The following DENND1B variants were observed in gnomAD, a reference collection of about 807,000 sequenced individuals.
DENND1B encodes DENN domain containing 1B.
In DENND1B, 59 loss-of-function variants were observed where a neutral mutation model predicts 90.1. That is an observed-to-expected ratio of 0.65 (90% CI 0.53 to 0.81). The LOEUF (loss-of-function observed/expected upper bound fraction) is 0.81. DENND1B is among the 40% of genes least tolerant of loss of function. The pLI is 0.00. For missense variants in DENND1B, 862 were observed against 912.6 expected (o/e 0.94, Z 0.71); for synonymous variants, 337 against 324.6 (o/e 1.04, Z -0.41).
At chr1:197,727,839 T>C (rs755882872) in intron 2 of DENND1B, among the ~76,000 whole-genome samples, 3 of 152,190 alleles carry the variant, frequency 2.0e-5, no homozygotes, top group East Asian at 3.9e-4. Flanking sequence ...CCTTTTATAT[T>C]CTACACATAT....
At chr1:197,685,787 T>A (rs754785188) in intron 3 of DENND1B, 9 of 151,902 alleles carry the variant, frequency 5.9e-5, no homozygotes, top group Non-Finnish European at 1.0e-4. Flanking sequence ...TTTAATTGAG[T>A]GTTTCTTGAA....
chr1:197,616,735 G>A (rs188252053), intron 11 of DENND1B, among the ~76,000 whole-genome samples: 147 of 151,164 alleles, frequency 9.7e-4, no homozygotes, highest in African/African-American at 3.4e-3. Context: ...TTAAATGAGT[G>A]CATTGATTCT....
At chr1:197,714,516 C>A (rs1454993694) in intron 3 of DENND1B, among the ~76,000 whole-genome samples, 3 of 151,886 alleles carry the variant, frequency 2.0e-5, no homozygotes, top group Admixed American at 1.3e-4. Flanking sequence ...GTCTTGCATG[C>A]CATATTTTTT....
intron 6 of DENND1B, 46 bp from the exon 7 acceptor site, chr1:197,652,361 A>G (rs746286784): frequency 3.6e-5 from 52 of 1,431,016 alleles, no homozygotes; most frequent in Non-Finnish European, 4.9e-5. Context: ...ACATATACCA[A>G]GCAACTGCAA....
Position 197,504,823 on chromosome 1 carries a change from AT to A in DENND1B, c.*5636del. On this transcript the variant is annotated 3_prime_UTR_variant, in exon 23 of 23. Transcript: ENST00000620048. ...GTAATGTAGATTTTATTCAATATTT[AT>A]TTTTGCATATTTTTAAAAAAATTCC... 1 of 151,830 alleles carries A rather than the reference AT, an allele frequency of 6.6e-6. No individual in the cohort carries two copies. The highest frequency in any genetic ancestry group is 1.5e-5 in the Non-Finnish European group (1 of 67,806). The allele number at this position is 151,830 out of a possible 1,614,324, so 9.4% of individuals were successfully genotyped here.
chr1:197,707,939 C>A (rs1659768780), intron 3 of DENND1B, among the ~76,000 whole-genome samples: 1 of 151,858 alleles, frequency 6.6e-6, no homozygotes, highest in Non-Finnish European at 1.5e-5. Context: ...TCAGGGAGTT[C>A]CCTTTCCAAG....
At chr1:197,709,764 AT>A (rs1481226988) in intron 3 of DENND1B, among the ~76,000 whole-genome samples, 2 of 127,464 alleles carry the variant, frequency 1.6e-5, no homozygotes, top group Non-Finnish European at 3.2e-5. Flanking sequence ...AAATTCTGCA[AT>A]TAAAAGACAC....
chr1:197,759,766 A>T (rs887614709), intron 2 of DENND1B, among the ~76,000 whole-genome samples: 1 of 150,036 alleles, frequency 6.7e-6, no homozygotes, highest in Non-Finnish European at 1.5e-5. Context: ...AAAAAAAAAA[A>T]GCATGCGGGA....
At chr1:197,770,710 ATAAATATATAT>A (rs1169748980) in intron 2 of DENND1B, among the ~76,000 whole-genome samples, 5 of 143,032 alleles carry the variant, frequency 3.5e-5, no homozygotes, top group Admixed American at 7.2e-5. Flanking sequence ...CTATAAATAT[ATAAATATATAT>A]CTATAAATAT....
At chr1:197,522,740 C>T (rs1407847814) in intron 20 of DENND1B, among the ~76,000 whole-genome samples, 1 of 152,000 alleles carries the variant, frequency 6.6e-6, no homozygotes, top group Non-Finnish European at 1.5e-5. Flanking sequence ...ACCTATGAGA[C>T]CTGTGTTGCA....
At chr1:197,725,400 T>C (rs899237998) in intron 2 of DENND1B, among the ~76,000 whole-genome samples, 1 of 152,058 alleles carries the variant, frequency 6.6e-6, no homozygotes, top group Non-Finnish European at 1.5e-5. Context: ...TTACCAAGAA[T>C]AGACCCTTTC....
intron 2 of DENND1B, among the ~76,000 whole-genome samples, chr1:197,763,509 A>T (rs1177803061): frequency 6.6e-6 from 1 of 152,232 alleles, no homozygotes; most frequent in East Asian, 1.9e-4. Context: ...TTAGGCTCTG[A>T]GTAAACAAAA....
chr1:197,750,218 A>G (rs570397187), intron 2 of DENND1B, among the ~76,000 whole-genome samples: 1 of 152,276 alleles, frequency 6.6e-6, no homozygotes, highest in South Asian at 2.1e-4. Flanking sequence ...AGTAAAATAT[A>G]AGTGAACTCT....
At chr1:197,720,425 A>T (rs1473702903) in intron 2 of DENND1B, among the ~76,000 whole-genome samples, 1 of 151,784 alleles carries the variant, frequency 6.6e-6, no homozygotes, top group African/African-American at 2.4e-5. Context: ...CTTTTTTGTA[A>T]AGATGAGGTC....
At position 197,582,721 on chromosome 1, in the gene DENND1B, T is replaced by C. The variant is rs533756603; in HGVS notation, c.1149+431A>G. On this transcript the variant is annotated intron_variant, in intron 15 of 22. Transcript: ENST00000620048. ...TTCTGAATGTATGAGTATTAAAAAG[T>C]CTTACAAAGCTTAAAAAGTTAAATA... Among the ~76,000 whole-genome samples, 5 of 152,296 alleles carry C rather than the reference T, an allele frequency of 3.3e-5. No individual in the cohort carries two copies. In the South Asian group the frequency reaches 1.0e-3, roughly 32 times the overall value.
At chr1:197,676,092 A>AAAAAAAAT (rs1656044814) in intron 3 of DENND1B, among the ~76,000 whole-genome samples, 1 of 151,586 alleles carries the variant, frequency 6.6e-6, no homozygotes, top group Non-Finnish European at 1.5e-5. Flanking sequence ...CAAAAAAAAA[A>AAAAAAAAT]AAAAATCCTC....
At chr1:197,707,862 T>C (rs1314490020) in intron 3 of DENND1B, among the ~76,000 whole-genome samples, 1 of 147,174 alleles carries the variant, frequency 6.8e-6, no homozygotes, top group Non-Finnish European at 1.5e-5. Context: ...CGCAGGCCAG[T>C]GTGTGTGCGC....
intron 3 of DENND1B, among the ~76,000 whole-genome samples, chr1:197,707,492 T>C (rs1659667885): frequency 6.6e-6 from 1 of 151,244 alleles, no homozygotes; most frequent in Admixed American, 6.6e-5. Context: ...GATTTGATCA[T>C]TACATATTGT....
chr1:197,730,242 G>A (rs1276987627), intron 2 of DENND1B, among the ~76,000 whole-genome samples: 4 of 152,088 alleles, frequency 2.6e-5, no homozygotes, highest in African/African-American at 9.6e-5. Context: ...AGACAAAGGG[G>A]AGATTTCAAG....
Sources: allele counts gnomAD v4.1 joint callset (sites outside exome capture counted in the v4.1 genomes callset), GRCh38; gene constraint gnomAD v4.1.1; transcripts MANE v1.5; gene names NCBI Gene and HGNC (gene_info 2026-07-23, HGNC 2026-07-21).